The following HYKK variants were observed in gnomAD, a reference collection of about 807,000 sequenced individuals.
HYKK encodes 5-hydroxy-L-lysine kinase.
HYKK carries 19 observed loss-of-function variants against 29.7 expected under a neutral mutation model. The observed-to-expected ratio is 0.64, with a 90% CI of 0.45 to 0.94. HYKK has a LOEUF of 0.94. Among genes scored for constraint, HYKK ranks in the 40% least tolerant of loss-of-function variants. The probability of loss-of-function intolerance (pLI) is 0.00; values close to 1 mark genes in which losing one functional copy is unlikely to be tolerated. For missense variants in HYKK, 390 were observed against 443.4 expected (o/e 0.88, Z 1.08); for synonymous variants, 152 against 158.1 (o/e 0.96, Z 0.29).
intron 3 of HYKK, among the ~76,000 whole-genome samples, chr15:78,525,690 G>A (rs112814298): frequency 6.6e-6 from 1 of 151,496 alleles, no homozygotes; most frequent in Admixed American, 6.6e-5. Context: ...GTAGAGACAG[G>A]GTTTCACCAT....
intron 3 of HYKK, among the ~76,000 whole-genome samples, chr15:78,523,998 CA>C (rs2052224132): frequency 6.6e-6 from 1 of 152,224 alleles, no homozygotes; most frequent in African/African-American, 2.4e-5. Context: ...GTGGCTTTTC[CA>C]GGGGCAGGGT....
intron 2 of HYKK, 62 bp from the exon 3 acceptor site, chr15:78,514,906 C>CTCTT (rs1555411234): frequency 2.0e-5 from 10 of 505,296 alleles, no homozygotes; most frequent in Middle Eastern, 5.9e-4. Flanking sequence ...CTCTCTCTCT[C>CTCTT]TCTATATATA....
At chr15:78,516,738 G>T (rs768088221) in intron 3 of HYKK, among the ~76,000 whole-genome samples, 3 of 152,166 alleles carry the variant, frequency 2.0e-5, no homozygotes, top group Non-Finnish European at 4.4e-5. Flanking sequence ...AAGAGGTTTA[G>T]GCCAGGTGTG....
chr15:78,524,638 G>A (rs12910969), intron 3 of HYKK, among the ~76,000 whole-genome samples: 47,678 of 151,964 alleles, frequency 0.31, 8,525 homozygotes, highest in Non-Finnish European at 0.42. Flanking sequence ...GTAAAACCCC[G>A]TCTCTATTAA....
Position 78,534,826 on chromosome 15 carries a change from T to C in HYKK, c.*1156T>C, listed in dbSNP as rs2052346910. The C allele has an allele frequency of 6.6e-6, 1 of 152,224 alleles. No homozygotes were observed. Among genetic ancestry groups the C allele is most frequent in the African/African-American group, 2.4e-5 (1 of 41,466 alleles). 9.4% of individuals were successfully genotyped at this position (152,224 alleles called of 1,614,324 possible). On this transcript the variant is annotated 3_prime_UTR_variant, in exon 5 of 5. Coordinates refer to ENST00000388988, the MANE Select transcript of HYKK (RefSeq NM_001013619.4). ...CAGGCAAGGCCACTAACCCCTGAGC[T>C]ACTTAAATATAATGGTTCCTTTCAG...
intron 4 of HYKK, among the ~76,000 whole-genome samples, chr15:78,530,618 A>G (rs534087053): frequency 6.6e-6 from 1 of 152,140 alleles, no homozygotes; most frequent in South Asian, 2.1e-4. Context: ...TACTAAGGAT[A>G]TTCCTTAGGA....
chr15:78,515,515 G>A (rs2052122526), intron 3 of HYKK, among the ~76,000 whole-genome samples: 1 of 151,846 alleles, frequency 6.6e-6, no homozygotes, highest in Non-Finnish European at 1.5e-5. Context: ...CCAGGAGGTG[G>A]AGGTTGCAGT....
chr15:78,511,197 A>G (rs905710034), intron 1 of HYKK, among the ~76,000 whole-genome samples: 1 of 152,106 alleles, frequency 6.6e-6, no homozygotes. Context: ...GATGTTATCA[A>G]TTATTTACAA....
chr15:78,524,310 T>A (rs1343499623), intron 3 of HYKK, among the ~76,000 whole-genome samples: 2 of 152,240 alleles, frequency 1.3e-5, no homozygotes, highest in Non-Finnish European at 2.9e-5. Flanking sequence ...GGCTTCTAGC[T>A]TGCGCTTTCT....
intron 3 of HYKK, among the ~76,000 whole-genome samples, chr15:78,520,383 CG>C (rs2052180129): frequency 6.6e-6 from 1 of 152,058 alleles, no homozygotes; most frequent in Non-Finnish European, 1.5e-5. Flanking sequence ...GAGGACCCTG[CG>C]GCCTTCCACA....
At chr15:78,518,915 T>TAAAA (rs764174063) in intron 3 of HYKK, 5 of 88,570 alleles carry the variant, frequency 5.6e-5, no homozygotes, top group Non-Finnish European at 2.3e-5. Context: ...AGACTCTGTC[T>TAAAA]AAAAAAAAAA....
rs1366278078 is a variant in HYKK at position 78,513,374 on chromosome 15, G to A, written c.286G>A (p.Ala96Thr). Residue 96 changes from alanine to threonine, a missense_variant, in exon 2 of 5, where the codon GCC (alanine) becomes ACC (threonine). Ala to Thr is a moderately conservative substitution (Grantham distance 58, BLOSUM62 0). Transcript: ENST00000388988. ...TCTGAAAGCCGCTGGATTTCCAACA[G>A]CCTCTGTGTGTCACACTAAAGGAGA... is the stretch of plus-strand genomic sequence containing the variant. ...MFLKAAGFPT[A>T]SVCHTKGDNT... is the part of the protein sequence containing the mutation. 3.1e-6 allele frequency: 5 copies of A among 1,614,012 alleles called. No individual in the cohort carries two copies. The highest frequency in any genetic ancestry group is 2.7e-5 in the African/African-American group (2 of 74,916).
At position 78,534,724 on chromosome 15, in the gene HYKK, G is replaced by A. The variant is rs1209915126; in HGVS notation, c.*1054G>A. 2 of 152,186 alleles carry A rather than the reference G, an allele frequency of 1.3e-5. No individual in the cohort carries two copies. Among genetic ancestry groups the A allele is most frequent in the African/African-American group, 2.4e-5 (1 of 41,440 alleles). 9.4% of individuals were successfully genotyped at this position (152,186 alleles called of 1,614,324 possible). On this transcript the variant is annotated 3_prime_UTR_variant, in exon 5 of 5. Transcript: ENST00000388988. ...GGAGAAAAAATTTTAACTTGTCTGA[G>A]AGGGTGGTTGAAACTGGAACTCCAG...
At chr15:78,517,025 AAAG>A (rs1157067780) in intron 3 of HYKK, among the ~76,000 whole-genome samples, 4 of 152,010 alleles carry the variant, frequency 2.6e-5, no homozygotes, top group Non-Finnish European at 5.9e-5. Flanking sequence ...TCTCAAAAAA[AAAG>A]AAAAAAGAAA....
chr15:78,521,933 C>T (rs1376494525), intron 3 of HYKK, among the ~76,000 whole-genome samples: 1 of 151,844 alleles, frequency 6.6e-6, no homozygotes. Context: ...TAGACTGTCA[C>T]TCCACTGGAA....
rs1333490853 is a variant in HYKK, at chr15:78,533,210, G to T, written c.662G>T (p.Cys221Phe). 6.4e-7 allele frequency: 1 copy of T among 1,564,070 alleles called. No individual in the cohort carries two copies. The highest frequency in any genetic ancestry group is 8.8e-7 in the Non-Finnish European group (1 of 1,139,792). Residue 221 changes from cysteine to phenylalanine, a missense_variant and splice_region_variant, in exon 5 of 5, where the codon TGT (cysteine) becomes TTT (phenylalanine). Physicochemically the swap from Cys to Phe is radical, Grantham distance 205. Transcript: ENST00000388988. The stretch of plus-strand genomic sequence containing the variant: ...TTTTACATGATTTTTCTACTTTCAG[G>T]TATCAATCACGGAGATCTTAATGAC... ...VMTKLSHFRE[C>F]INHGDLNDHN...
intron 4 of HYKK, among the ~76,000 whole-genome samples, chr15:78,530,196 A>ATT (rs1188496440): frequency 7.6e-5 from 5 of 65,772 alleles, no homozygotes; most frequent in African/African-American, 2.5e-4. Flanking sequence ...ACCATTATTT[A>ATT]TTTATTTTTT....
chr15:78,515,836 C>A (rs1191326860), intron 3 of HYKK, among the ~76,000 whole-genome samples: 5 of 152,142 alleles, frequency 3.3e-5, no homozygotes, highest in Admixed American at 3.3e-4. Flanking sequence ...GATCCACCCG[C>A]CTCGGCCTCC....
chr15:78,532,970 G>A (rs2052326253), intron 4 of HYKK, among the ~76,000 whole-genome samples: 1 of 152,176 alleles, frequency 6.6e-6, no homozygotes, highest in African/African-American at 2.4e-5. Flanking sequence ...TCAGGTATTT[G>A]TAGTAACTGC....
Sources: gnomAD v4.1 joint callset for allele counts (sites outside exome capture counted in the v4.1 genomes callset) on GRCh38, gnomAD v4.1.1 for gene constraint, MANE v1.5 for transcripts, NCBI Gene and HGNC (gene_info 2026-07-23, HGNC 2026-07-21) for gene names.